C1orf210: variants seen among roughly 807,000 people sequenced by gnomAD.
C1orf210 encodes type III endosome membrane protein TEMP.
In C1orf210, 3 loss-of-function variants were observed where a neutral mutation model predicts 3.7. The ratio of observed to expected loss-of-function variants is 0.81; its 90% CI spans 0.37 to 2.08. The LOEUF is 2.08. Ranked by LOEUF, C1orf210 falls within the 30% of genes most tolerant of loss-of-function variation. C1orf210 has a pLI of 0.06. For missense variants in C1orf210, 143 were observed against 147.7 expected, an observed-to-expected ratio of 0.97 and a Z score of 0.17; for synonymous variants, 62 against 61.7, an observed-to-expected ratio of 1.00 and a Z score of -0.02.
At chr1:43,283,397 G>A in intron 1 of C1orf210, 29 bp from the exon 2 acceptor site, 1 of 1,326,516 alleles carries the variant, frequency 7.5e-7, no homozygotes, top group South Asian at 1.4e-5. Context: ...ATGGGTGTCA[G>A]GGATGGTCAC....
chr1:43,283,109 T>G lies in C1orf210; in HGVS notation c.20-2A>C. On this transcript the variant is annotated splice_acceptor_variant, in intron 2 of 2. Coordinates refer to ENST00000523677, the MANE Select transcript of C1orf210 (RefSeq NM_182517.3). LOFTEE classifies it high-confidence loss of function. The stretch of plus-strand genomic sequence containing the variant: ...GGAGCTCCGAAGGCCCAACAAGTGC[T>G]GCAGAGAAAGGGACAGCATTATAGG... 6.2e-7 allele frequency: 1 copy of G among 1,611,940 alleles called. No individual in the cohort carries two copies. Among genetic ancestry groups the G allele is most frequent in the Non-Finnish European group, 8.5e-7 (1 of 1,178,640 alleles).
At chr1:43,283,222 C>T (rs989143845) in intron 2 of C1orf210, 30 bp downstream of exon 2, 1 of 1,611,102 alleles carries the variant, frequency 6.2e-7, no homozygotes, top group Middle Eastern at 1.7e-4. Flanking sequence ...GGAAGCCCCC[C>T]ACCCCCATCA....
chr1:43,283,050 G>C lies in C1orf210; in HGVS notation c.77C>G (p.Thr26Ser), dbSNP rs754607133. Residue 26 changes from threonine to serine, a missense_variant, in exon 3 of 3, where the codon ACT (threonine) becomes AGT (serine). By Grantham distance (58) the Thr-to-Ser change is moderately conservative. Transcript: ENST00000523677. The part of the protein sequence containing the change: ...TASAVAPGPG[T>S]GARAWPVLVG... ...CAGCACAGGCCATGCCCGAGCCCCA[G>C]TGCCTGGGCCAGGGGCCACAGCAGA... 11 of 1,614,160 alleles carry C rather than the reference G, an allele frequency of 6.8e-6. No individual in the cohort carries two copies. The Admixed American group carries it at 1.8e-4, about 27-fold the overall frequency.
chr1:43,282,944 ATGGTATCGGCGGCAGAGG>A lies in C1orf210; in HGVS notation c.165_182del (p.Leu56_His61del). 4 of 1,614,142 alleles carry A rather than the reference ATGGTATCGGCGGCAGAGG, an allele frequency of 2.5e-6. No individual in the cohort carries two copies. Among genetic ancestry groups the A allele is most frequent in the Non-Finnish European group, 3.4e-6 (4 of 1,180,012 alleles). ...GCAGTGGGCGGTGCCGGTAGCTGGC[ATGGTATCGGCGGCAGAGG>A]TGGCATTTGGCAGCAAGTGCAATGA... On this transcript the variant is annotated inframe_deletion, in exon 3 of 3. Coordinates refer to ENST00000523677, the MANE Select transcript of C1orf210 (RefSeq NM_182517.3).
rs1646553660 is a variant in C1orf210 at position 43,282,645 on chromosome 1, G to C, written c.*140C>G. 1 of 725,836 alleles carries C rather than the reference G, an allele frequency of 1.4e-6. No homozygotes were observed. Among genetic ancestry groups the C allele is most frequent in the Non-Finnish European group, 2.3e-6 (1 of 435,768 alleles). The allele number at this position is 725,836 out of a possible 1,614,324, so 45.0% of individuals were successfully genotyped here. ...TTGTCACTTTGCTGGCTAGTGTCAG[G>C]GAAGTGGGGTTTACTCCATCCCTGG... On this transcript the variant is annotated 3_prime_UTR_variant, in exon 3 of 3. Coordinates refer to ENST00000523677, the MANE Select transcript of C1orf210 (RefSeq NM_182517.3).
chr1:43,282,856 CGAT>C lies in C1orf210; in HGVS notation c.268_270del (p.Ile90del). The C allele has an allele frequency of 1.9e-6, 3 of 1,614,086 alleles. No homozygotes were observed. The highest frequency in any genetic ancestry group is 2.5e-6 in the Non-Finnish European group (3 of 1,179,978). On this transcript the variant is annotated inframe_deletion, in exon 3 of 3. Coordinates refer to ENST00000523677, the MANE Select transcript of C1orf210 (RefSeq NM_182517.3). ...GTCCCAGGCTGAATGTAATTGTCCT[CGAT>C]GAAGCCATCATCATCCTCATCTTCA...
chr1:43,283,073 A>T lies in C1orf210; in HGVS notation c.54T>A (p.Ser18=). ...LVGPSELPTA[S]AVAPGPGTGA... ...CAGTGCCTGGGCCAGGGGCCACAGCAGACGCTGTGGGGAGCTCCGAAGGCC... is the reference window on the plus strand; with the variant it reads ...CAGTGCCTGGGCCAGGGGCCACAGCTGACGCTGTGGGGAGCTCCGAAGGCC... Residue 18 remains serine, a synonymous_variant, in exon 3 of 3, where the codon TCT becomes TCA. Transcript: ENST00000523677. 1.2e-6 allele frequency: 2 copies of T among 1,613,938 alleles called. No homozygotes were observed. The highest frequency in any genetic ancestry group is 1.7e-6 in the Non-Finnish European group (2 of 1,179,848).
intron 1 of C1orf210, among the ~76,000 whole-genome samples, chr1:43,284,783 T>A (rs1378705595): frequency 2.6e-5 from 4 of 152,094 alleles, no homozygotes; most frequent in Non-Finnish European, 1.5e-5. Flanking sequence ...CATGCCCTCC[T>A]CCCACTCACC....
chr1:43,283,409 G>C (rs768431624), intron 1 of C1orf210, 41 bp from the exon 2 acceptor site: 2 of 1,205,052 alleles, frequency 1.7e-6, no homozygotes, highest in African/African-American at 3.1e-5. Flanking sequence ...GATGGTCACA[G>C]GGTGCACTTT....
intron 1 of C1orf210, 43 bp downstream of exon 1, chr1:43,285,401 T>C (rs1267028659): frequency 6.6e-6 from 1 of 152,174 alleles, no homozygotes; most frequent in African/African-American, 2.4e-5. Flanking sequence ...GGTCACACTT[T>C]CCTCCACCAA....
rs781572046 is a variant in C1orf210, at chr1:43,282,897, C to G, written c.230G>C (p.Arg77Pro). 1 of 1,614,020 alleles carries G rather than the reference C, an allele frequency of 6.2e-7. No homozygotes were observed. Among genetic ancestry groups the G allele is most frequent in the African/African-American group, 1.3e-5 (1 of 75,048 alleles). The change falls in exon 3 of 3, where the codon CGC becomes CCC. Residue 77 changes from arginine (R) to proline (P), a missense_variant. Arg to Pro is a moderately radical substitution (Grantham distance 103, BLOSUM62 -2). Coordinates refer to ENST00000523677, the MANE Select transcript of C1orf210 (RefSeq NM_182517.3). Reference sequence around the variant, plus strand: ...ATCCTCATCTTCAGCCACCTGTGGGCGGCCTCCCCTTCCTGTCTCAGGCAG... The same window carrying G: ...ATCCTCATCTTCAGCCACCTGTGGGGGGCCTCCCCTTCCTGTCTCAGGCAG... ...RPLPETGRGG[R>P]PQVAEDEDDD...
At chr1:43,283,950 A>G (rs1322568277) in intron 1 of C1orf210, among the ~76,000 whole-genome samples, 2 of 152,166 alleles carry the variant, frequency 1.3e-5, no homozygotes, top group African/African-American at 4.8e-5. Flanking sequence ...CTAAGTTGAA[A>G]GCCGCTGCTG....
rs1344332057 is a variant in C1orf210, at chr1:43,282,472, G to A, written c.*313C>T. 6 of 302,096 alleles carry A rather than the reference G, an allele frequency of 2.0e-5. No homozygotes were observed. Among genetic ancestry groups the A allele is most frequent in the African/African-American group, 6.5e-5 (3 of 46,360 alleles). 18.7% of individuals were successfully genotyped at this position (302,096 alleles called of 1,614,324 possible). ...TGGGAGGGAGAATAACATTGATTTC[G>A]ACAGTAAAGTAGGGGAAGGCAAGAA... On this transcript the variant is annotated 3_prime_UTR_variant, in exon 3 of 3. Coordinates refer to ENST00000523677, the MANE Select transcript of C1orf210 (RefSeq NM_182517.3).
intron 1 of C1orf210, among the ~76,000 whole-genome samples, chr1:43,283,609 T>C (rs1646561018): frequency 1.3e-5 from 2 of 152,182 alleles, no homozygotes; most frequent in African/African-American, 4.8e-5. Context: ...TGAGCATTCC[T>C]TATAATTCAA....
chr1:43,284,234 G>C (rs1646565372), intron 1 of C1orf210, among the ~76,000 whole-genome samples: 1 of 152,144 alleles, frequency 6.6e-6, no homozygotes, highest in Non-Finnish European at 1.5e-5. Context: ...CCTGAATCTG[G>C]GGAGTATCTA....
intron 1 of C1orf210, among the ~76,000 whole-genome samples, chr1:43,285,196 A>G (rs1330901203): frequency 6.6e-6 from 1 of 152,132 alleles, no homozygotes; most frequent in Non-Finnish European, 1.5e-5. Flanking sequence ...AATGTGTTAC[A>G]CTGGAATGAA....
rs769550848 is a variant in C1orf210 at position 43,283,256 on chromosome 1, G to T, written c.15C>A (p.Asn5Lys). Reference protein sequence around the residue: MNETNKTLVGPSELP... With the variant: MNETKKTLVGPSELP... ...CATCCTCCCACTGTCACTCACTTTTGTTTGTCTCATTCATGGAGGGGCCTG... is the reference window on the plus strand; with the variant it reads ...CATCCTCCCACTGTCACTCACTTTTTTTTGTCTCATTCATGGAGGGGCCTG... The change falls in exon 2 of 3, where the codon AAC becomes AAA. Residue 5 changes from asparagine to lysine, a missense_variant. Asn to Lys is a moderately conservative substitution (Grantham distance 94). Coordinates refer to ENST00000523677, the MANE Select transcript of C1orf210 (RefSeq NM_182517.3). 4.3e-6 allele frequency: 7 copies of T among 1,613,886 alleles called. No individual in the cohort carries two copies. In the South Asian group the frequency reaches 6.6e-5, roughly 15 times the overall value.
Position 43,282,934 on chromosome 1 carries a change from G to C in C1orf210, c.193C>G (p.Arg65Gly), listed in dbSNP as rs370216826. Residue 65 changes from arginine to glycine, a missense_variant, in exon 3 of 3, where the codon CGG becomes GGG. By Grantham distance (125) the Arg-to-Gly change is moderately radical. Coordinates refer to ENST00000523677, the MANE Select transcript of C1orf210 (RefSeq NM_182517.3). Reference sequence around the variant, plus strand: ...CCTGTCTCAGGCAGTGGGCGGTGCCGGTAGCTGGCATGGTATCGGCGGCAG... The same window carrying C: ...CCTGTCTCAGGCAGTGGGCGGTGCCCGTAGCTGGCATGGTATCGGCGGCAG... ...HLCRRYHASY[R>G]HRPLPETGRG... 1.9e-6 allele frequency: 3 copies of C among 1,614,058 alleles called. No individual in the cohort carries two copies. The highest frequency in any genetic ancestry group is 1.3e-5 in the African/African-American group (1 of 74,908).
intron 1 of C1orf210, 45 bp from the exon 2 acceptor site, chr1:43,283,413 G>A (rs548946216): frequency 2.3e-4 from 265 of 1,143,640 alleles, no homozygotes; most frequent in Admixed American, 2.7e-4. Context: ...GTCACAGGGT[G>A]CACTTTCCAG....
Sources: allele counts gnomAD v4.1 joint callset (sites outside exome capture counted in the v4.1 genomes callset), GRCh38; gene constraint gnomAD v4.1.1; transcripts MANE v1.5; gene names NCBI Gene and HGNC (gene_info 2026-07-23, HGNC 2026-07-21).